ADK: variants seen among roughly 807,000 people sequenced by gnomAD.
The protein encoded by ADK is adenosine kinase.
Under a neutral mutation model 44.7 loss-of-function variants are expected in ADK, and 24 were observed. That is an observed-to-expected ratio of 0.54 (90% CI 0.39 to 0.76). The LOEUF (loss-of-function observed/expected upper bound fraction) is 0.76. Ranked by LOEUF, ADK falls within the 30% of genes least tolerant of loss-of-function variation. The probability of loss-of-function intolerance (pLI) is 0.00; values close to 1 mark genes in which losing one functional copy is unlikely to be tolerated. For missense variants in ADK, 321 were observed against 425.1 expected (o/e 0.76, Z 2.15); for synonymous variants, 128 against 142.6 (o/e 0.90, Z 0.73).
In ADK at chr10:74,613,578, C is replaced by T. The variant is rs141839972; in HGVS notation, c.877+13085C>T. On this transcript the variant is annotated intron_variant, in intron 9 of 10. Coordinates refer to ENST00000539909, the MANE Select transcript of ADK (RefSeq NM_006721.4). ...TATTTTAAGTAAATGGGGTTATTGA[C>T]GTTACTTGTCTTCATGTTCCTGAGT... Among the ~76,000 whole-genome samples, 915 of 152,110 alleles carry T rather than the reference C, an allele frequency of 6.0e-3. 6 individuals are homozygous for T. Among genetic ancestry groups the T allele is most frequent in the African/African-American group, 0.021 (879 of 41,500 alleles).
At chr10:74,281,119 C>T (rs1318503854) in intron 3 of ADK, among the ~76,000 whole-genome samples, 1 of 152,148 alleles carries the variant, frequency 6.6e-6, no homozygotes, top group African/African-American at 2.4e-5. Flanking sequence ...GGATAATATT[C>T]ATTTGAAGCA....
chr10:74,338,412 G>C (rs1841480533), intron 4 of ADK, among the ~76,000 whole-genome samples: 1 of 152,068 alleles, frequency 6.6e-6, no homozygotes, highest in Admixed American at 6.5e-5. Flanking sequence ...TCATATTCCT[G>C]AGTATTTAAC....
intron 9 of ADK, chr10:74,655,270 A>G: frequency 2.1e-6 from 1 of 466,326 alleles, no homozygotes; most frequent in Admixed American, 3.0e-5. Flanking sequence ...ATCCAGTCTC[A>G]CTCCATCTTT....
At chr10:74,190,495 TCTC>T (rs1842922190) in intron 1 of ADK, among the ~76,000 whole-genome samples, 1 of 152,226 alleles carries the variant, frequency 6.6e-6, no homozygotes, top group South Asian at 2.1e-4. Context: ...GACATCTCAT[TCTC>T]CTACTTTTCC....
intron 6 of ADK, among the ~76,000 whole-genome samples, chr10:74,455,924 G>A (rs565749586): frequency 7.1e-4 from 108 of 152,178 alleles, no homozygotes; most frequent in South Asian, 3.7e-3. Flanking sequence ...CTTTGGCTGC[G>A]CTTAACATTT....
chr10:74,559,245 G>A (rs112334115), intron 7 of ADK, among the ~76,000 whole-genome samples: 3,780 of 152,342 alleles, frequency 0.025, 138 homozygotes, highest in African/African-American at 0.074. Context: ...CAGACTACAC[G>A]CAACCTGGGT....
intron 5 of ADK, among the ~76,000 whole-genome samples, chr10:74,395,776 T>C (rs538018231): frequency 1.3e-5 from 2 of 152,304 alleles, no homozygotes; most frequent in South Asian, 4.2e-4. Context: ...CCCAGCACTT[T>C]GGGAGGCCGA....
At chr10:74,515,435 C>G (rs1848529848) in intron 6 of ADK, among the ~76,000 whole-genome samples, 1 of 152,160 alleles carries the variant, frequency 6.6e-6, no homozygotes. Flanking sequence ...GTTACTCTGA[C>G]CAGAAATACA....
At chr10:74,228,568 A>G (rs912527214) in intron 3 of ADK, among the ~76,000 whole-genome samples, 6 of 152,150 alleles carry the variant, frequency 3.9e-5, no homozygotes, top group Non-Finnish European at 8.8e-5. Context: ...TTTATATGTC[A>G]ATTATACTTC....
chr10:74,592,326 G>A (rs938453774), intron 8 of ADK, among the ~76,000 whole-genome samples: 7 of 151,840 alleles, frequency 4.6e-5, no homozygotes, highest in Admixed American at 6.6e-5. Context: ...TTCTTGAGCC[G>A]AACTGATTAA....
At chr10:74,692,400 A>G (rs530287446) in intron 10 of ADK, among the ~76,000 whole-genome samples, 89 of 152,250 alleles carry the variant, frequency 5.8e-4, no homozygotes, top group African/African-American at 2.1e-3. Flanking sequence ...AATTGCTTAA[A>G]CCCAGGAGGC....
At chr10:74,557,073 A>G (rs748102184) in intron 7 of ADK, among the ~76,000 whole-genome samples, 89 of 152,218 alleles carry the variant, frequency 5.8e-4, no homozygotes, top group Non-Finnish European at 8.7e-4. Context: ...TACTATACCT[A>G]TGGTCAAGTG....
Position 74,701,723 on chromosome 10 carries a change from T to A in ADK, c.965-6598T>A, listed in dbSNP as rs1325266820. ...ACTTTGGGAGGCTGAGGTGGGCGGA[T>A]CACCTTAGGTTGGGAGTCTGAGACC... On this transcript the variant is annotated intron_variant, in intron 10 of 10. Coordinates refer to ENST00000539909, the MANE Select transcript of ADK (RefSeq NM_006721.4). Among the ~76,000 whole-genome samples, 4 of 152,300 alleles carry A rather than the reference T, an allele frequency of 2.6e-5. No individual in the cohort carries two copies. The East Asian group carries it at 7.7e-4, about 29-fold the overall frequency.
At chr10:74,464,754 G>C (rs1846292221) in intron 6 of ADK, among the ~76,000 whole-genome samples, 1 of 152,028 alleles carries the variant, frequency 6.6e-6, no homozygotes, top group African/African-American at 2.4e-5. Flanking sequence ...AAGCCACGAT[G>C]GGTGGGTTAC....
intron 6 of ADK, among the ~76,000 whole-genome samples, chr10:74,488,882 C>G (rs553407767): frequency 1.3e-5 from 2 of 151,926 alleles, no homozygotes; most frequent in South Asian, 4.2e-4. Flanking sequence ...CCACAACTTA[C>G]CACCTTTGTG....
chr10:74,341,002 T>C (rs1200415293), intron 4 of ADK, among the ~76,000 whole-genome samples: 2 of 152,178 alleles, frequency 1.3e-5, no homozygotes, highest in African/African-American at 2.4e-5. Context: ...TCATTAGACA[T>C]CTATCATTAT....
intron 1 of ADK, among the ~76,000 whole-genome samples, chr10:74,151,796 C>T: frequency 6.6e-6 from 1 of 152,206 alleles, no homozygotes; most frequent in South Asian, 2.1e-4. Context: ...GCACGTTGAC[C>T]TTCCTTTTCG....
intron 6 of ADK, among the ~76,000 whole-genome samples, chr10:74,489,792 T>C (rs1847409689): frequency 6.6e-6 from 1 of 151,920 alleles, no homozygotes; most frequent in South Asian, 2.1e-4. Flanking sequence ...GCAGTTAAAA[T>C]AGAATGCACA....
At chr10:74,517,533 A>G (rs932679633) in intron 6 of ADK, among the ~76,000 whole-genome samples, 1 of 151,996 alleles carries the variant, frequency 6.6e-6, no homozygotes, top group African/African-American at 2.4e-5. Flanking sequence ...TACTAAAAAT[A>G]CAAAAACTAG....
Sources: allele counts gnomAD v4.1 joint callset (sites outside exome capture counted in the v4.1 genomes callset), GRCh38; gene constraint gnomAD v4.1.1; transcripts MANE v1.5; gene names NCBI Gene and HGNC (gene_info 2026-07-23, HGNC 2026-07-21).